The following LHFPL3 variants were observed in gnomAD, a reference collection of about 807,000 sequenced individuals.
LHFPL3 encodes the protein LHFPL tetraspan subfamily member 3.
LHFPL3 carries 5 observed loss-of-function variants against 19.3 expected under a neutral mutation model. The ratio of observed to expected loss-of-function variants is 0.26; its 90% CI spans 0.14 to 0.54. LHFPL3 has a LOEUF of 0.54. Ranked by LOEUF, LHFPL3 falls within the 20% of genes least tolerant of loss-of-function variation. The pLI, the probability that LHFPL3 is intolerant of heterozygous loss-of-function variation, is 0.94. For synonymous variants in LHFPL3, 133 were observed against 126.2 expected (o/e 1.05, Z -0.36); for missense variants, 249 against 307.4 (o/e 0.81, Z 1.42).
intron 1 of LHFPL3, among the ~76,000 whole-genome samples, chr7:104,352,035 A>T (rs1392787505): frequency 6.6e-6 from 1 of 152,036 alleles, no homozygotes; most frequent in Non-Finnish European, 1.5e-5. Flanking sequence ...CCATCTCTAC[A>T]AAAAAATAAA....
At chr7:104,594,452 C>G (rs1454302494) in intron 1 of LHFPL3, among the ~76,000 whole-genome samples, 1 of 152,196 alleles carries the variant, frequency 6.6e-6, no homozygotes, top group South Asian at 2.1e-4. Flanking sequence ...CAACCTTTCT[C>G]TCTGGCTGCC....
At chr7:104,518,677 A>G (rs957010553) in intron 1 of LHFPL3, among the ~76,000 whole-genome samples, 3 of 152,170 alleles carry the variant, frequency 2.0e-5, no homozygotes, top group Non-Finnish European at 4.4e-5. Context: ...TCAGCTATTC[A>G]GGAAGCTGAG....
intron 2 of LHFPL3, among the ~76,000 whole-genome samples, chr7:104,841,908 C>T (rs2116589530): frequency 6.6e-6 from 1 of 151,946 alleles, no homozygotes; most frequent in East Asian, 1.9e-4. Context: ...CTCCTGACAC[C>T]AGAGAAAGCA....
intron 2 of LHFPL3, among the ~76,000 whole-genome samples, chr7:104,762,086 C>T (rs1173782149): frequency 6.6e-6 from 1 of 152,104 alleles, no homozygotes; most frequent in Non-Finnish European, 1.5e-5. Flanking sequence ...CCAGCGATGC[C>T]AGTGTGTCAC....
chr7:104,489,871 G>C (rs542347227), intron 1 of LHFPL3, among the ~76,000 whole-genome samples: 7 of 152,240 alleles, frequency 4.6e-5, no homozygotes, highest in African/African-American at 1.7e-4. Flanking sequence ...GTGTGGCTGG[G>C]TACAAACAGC....
At chr7:104,882,228 A>G (rs762973627) in intron 2 of LHFPL3, among the ~76,000 whole-genome samples, 1 of 152,036 alleles carries the variant, frequency 6.6e-6, no homozygotes, top group Non-Finnish European at 1.5e-5. Context: ...TAAGCACTAC[A>G]TTTCATTTAT....
chr7:104,699,849 G>A (rs1006529888), intron 1 of LHFPL3, among the ~76,000 whole-genome samples: 2 of 152,170 alleles, frequency 1.3e-5, no homozygotes, highest in Admixed American at 6.5e-5. Flanking sequence ...ACCTCAGGAA[G>A]CTCCGTCCAT....
intron 1 of LHFPL3, among the ~76,000 whole-genome samples, chr7:104,535,657 A>G (rs1053569975): frequency 2.6e-5 from 4 of 152,226 alleles, no homozygotes; most frequent in African/African-American, 9.6e-5. Context: ...GTTGTTTGGC[A>G]TATTAGAAAC....
At position 104,607,496 on chromosome 7, in the gene LHFPL3, C is replaced by A. The variant is rs1019190502; in HGVS notation, c.446-129179C>A. Among the ~76,000 whole-genome samples, 3 of 152,130 alleles carry A rather than the reference C, an allele frequency of 2.0e-5. No individual in the cohort carries two copies. The East Asian group carries it at 5.8e-4, about 29-fold the overall frequency. On this transcript the variant is annotated intron_variant, in intron 1 of 2. Transcript: ENST00000424859. ...ATGTCTACCAAAGGCTTTGCAAAGC[C>A]CCTTGTTTAATATTTCCTCTATAAG...
chr7:104,736,758 G>C lies in LHFPL3; in HGVS notation c.529G>C (p.Asp177His), dbSNP rs907607536. ...EVKRMCGEKT[D>H]KYTLGACSVR... The stretch of plus-strand genomic sequence containing the variant: ...AAAACGGATGTGTGGAGAAAAGACA[G>C]ACAAGTACACTCTTGGGGCTTGCTC... The change falls in exon 2 of 3, where the codon GAC (aspartate) becomes CAC (histidine). Residue 177 changes from aspartate (D) to histidine (H), a missense_variant. By Grantham distance (81) the Asp-to-His change is moderately conservative (BLOSUM62 -1). Transcript: ENST00000424859. The C allele has an allele frequency of 3.1e-6, 5 of 1,613,644 alleles. No homozygotes were observed.
chr7:104,739,992 C>T (rs1793902650), intron 2 of LHFPL3, among the ~76,000 whole-genome samples: 1 of 152,038 alleles, frequency 6.6e-6, no homozygotes, highest in South Asian at 2.1e-4. Flanking sequence ...GGAAAGGGAC[C>T]TCATGGGAAG....
At chr7:104,520,826 A>C (rs761787817) in intron 1 of LHFPL3, among the ~76,000 whole-genome samples, 2 of 143,248 alleles carry the variant, frequency 1.4e-5, no homozygotes, top group South Asian at 2.3e-4. Flanking sequence ...CGTCTATTTG[A>C]TTCTTCTCTC....
chr7:104,839,402 C>T (rs2116582038), intron 2 of LHFPL3, among the ~76,000 whole-genome samples: 1 of 152,260 alleles, frequency 6.6e-6, no homozygotes, highest in East Asian at 1.9e-4. Flanking sequence ...CGTGGTGGCT[C>T]ATGCCTGTAA....
chr7:104,736,538 CAG>C (rs1339304946), intron 1 of LHFPL3, 135 bp from the exon 2 acceptor site: 1 of 639,262 alleles, frequency 1.6e-6, no homozygotes, highest in Non-Finnish European at 2.8e-6. Flanking sequence ...TTCAGAGTGA[CAG>C]TGGTGAGATT....
chr7:104,529,213 C>T (rs1022049530), intron 1 of LHFPL3, among the ~76,000 whole-genome samples: 1 of 152,134 alleles, frequency 6.6e-6, no homozygotes, highest in African/African-American at 2.4e-5. Flanking sequence ...ATTGGCCAGA[C>T]CTTAGTAACA....
At chr7:104,605,763 G>A (rs1244799635) in intron 1 of LHFPL3, among the ~76,000 whole-genome samples, 1 of 151,644 alleles carries the variant, frequency 6.6e-6, no homozygotes, top group Non-Finnish European at 1.5e-5. Context: ...ATAAAGTAAA[G>A]TTTACCACTG....
chr7:104,379,061 A>G (rs905800477), intron 1 of LHFPL3, among the ~76,000 whole-genome samples: 1 of 152,216 alleles, frequency 6.6e-6, no homozygotes, highest in Non-Finnish European at 1.5e-5. Context: ...GGGACCCATC[A>G]TATAAGGTGA....
At chr7:104,481,690 A>G (rs1044956477) in intron 1 of LHFPL3, among the ~76,000 whole-genome samples, 3 of 152,096 alleles carry the variant, frequency 2.0e-5, no homozygotes, top group Non-Finnish European at 2.9e-5. Context: ...ATAAAGGTAG[A>G]TGGTTCAGAT....
chr7:104,605,134 A>G (rs1007045759), intron 1 of LHFPL3, among the ~76,000 whole-genome samples: 2 of 152,202 alleles, frequency 1.3e-5, no homozygotes, highest in Non-Finnish European at 2.9e-5. Flanking sequence ...TAAACACAAC[A>G]AATGTATTTT....
Sources: gnomAD v4.1 joint callset for allele counts (sites outside exome capture counted in the v4.1 genomes callset) on GRCh38, gnomAD v4.1.1 for gene constraint, MANE v1.5 for transcripts, NCBI Gene and HGNC (gene_info 2026-07-23, HGNC 2026-07-21) for gene names.